Variants in PAPPA observed in about 807,000 individuals in gnomAD.
PAPPA encodes pappalysin-1.
Under a neutral mutation model 164.0 loss-of-function variants are expected in PAPPA, and 60 were observed. The ratio of observed to expected loss-of-function variants is 0.37; its 90% CI spans 0.30 to 0.45. PAPPA has a LOEUF of 0.45. PAPPA is among the 20% of genes least tolerant of loss of function. The pLI is 1.00. For synonymous variants in PAPPA, 875 were observed against 814.1 expected (o/e 1.07, Z -1.27); for missense variants, 1,782 against 2,087.3 (o/e 0.85, Z 2.85).
chr9:116,169,310 CT>C (rs563871496), intron 1 of PAPPA, among the ~76,000 whole-genome samples: 168 of 52,142 alleles, frequency 3.2e-3, no homozygotes, highest in African/African-American at 6.7e-3. Context: ...CAAACCCATT[CT>C]TTTTTTTTTT....
rs534254617 is a variant in PAPPA, at chr9:116,154,532, G to T, written c.360G>T (p.Thr120=). The T allele has an allele frequency of 2.1e-6, 3 of 1,401,502 alleles. No homozygotes were observed. Among genetic ancestry groups the T allele is most frequent in the Admixed American group, 5.4e-5 (2 of 36,802 alleles). The allele number at this position is 1,401,502 out of a possible 1,614,324, so 86.8% of individuals were successfully genotyped here. A position where few individuals can be genotyped will look rare whatever the true frequency, so the allele number is the denominator to read the frequency against. Residue 120 remains threonine, a synonymous_variant, in exon 1 of 22, where the codon ACG becomes ACT. Transcript: ENST00000328252. The surrounding 1 kb of genome is among the most constrained non-coding windows in gnomAD (Gnocchi z 5.2). ...ADLELPRDAF[T]LQVWLRAEGG... ...TCGAGCTGCCCCGGGACGCGTTCAC[G>T]CTGCAAGTGTGGCTGCGAGCGGAGG...
Position 116,228,784 on chromosome 9 carries a change from C to A in PAPPA, c.2233+1232C>A, listed in dbSNP as rs543380284. On this transcript the variant is annotated intron_variant, in intron 6 of 21. Coordinates refer to ENST00000328252, the MANE Select transcript of PAPPA (RefSeq NM_002581.5). ...GTGCAGGAATCCCCTCTATGTGCATCCTCACTGAGGTTCCCTGGAGCCTGT... is the reference window on the plus strand; with the variant it reads ...GTGCAGGAATCCCCTCTATGTGCATACTCACTGAGGTTCCCTGGAGCCTGT... 2.8e-4 allele frequency among the ~76,000 whole-genome samples: 42 copies of A among 152,256 alleles called. No homozygotes were observed. The South Asian group carries it at 7.1e-3, about 26-fold the overall frequency.
At chr9:116,184,533 A>T (rs1247918726) in intron 1 of PAPPA, among the ~76,000 whole-genome samples, 1 of 151,818 alleles carries the variant, frequency 6.6e-6, no homozygotes, top group Non-Finnish European at 1.5e-5. Flanking sequence ...TTAACAATGA[A>T]CTCTCATTTG....
Position 116,353,672 on chromosome 9 carries a change from C to T in PAPPA, c.4226C>T (p.Ala1409Val). ...CTQDGSWQEGACVPVTCDPPP... is the reference protein window; with the variant it reads ...CTQDGSWQEGVCVPVTCDPPP... ...CAGGATGGCAGCTGGCAGGAGGGAGCTTGTGTTCCTGTGACCTGTGACCCA... is the reference window on the plus strand; with the variant it reads ...CAGGATGGCAGCTGGCAGGAGGGAGTTTGTGTTCCTGTGACCTGTGACCCA... Residue 1409 changes from alanine (A) to valine (V), a missense_variant, in exon 17 of 22, where the codon GCT becomes GTT. Around this residue, in one of 2 missense-constraint regions of PAPPA, gnomAD observed 1,324 missense variants for 1,656.9 expected, o/e 0.80. Coordinates refer to ENST00000328252, the MANE Select transcript of PAPPA (RefSeq NM_002581.5). The T allele has an allele frequency of 6.2e-7, 1 of 1,614,088 alleles. No individual in the cohort carries two copies. The highest frequency in any genetic ancestry group is 1.1e-5 in the South Asian group (1 of 91,064).
At position 116,187,385 on chromosome 9, in the gene PAPPA, A is replaced by ACCT; in HGVS notation, c.647_648insCCT (p.Gln216delinsHisLeu). 6.2e-7 allele frequency: 1 copy of ACCT among 1,614,154 alleles called. No individual in the cohort carries two copies. On this transcript the variant is annotated protein_altering_variant, in exon 2 of 22. Coordinates refer to ENST00000328252, the MANE Select transcript of PAPPA (RefSeq NM_002581.5). This position sits in a 1 kb window ranked among gnomAD's most constrained non-coding sequence, Gnocchi z 4.2. ...ATGAAGCTCTATGTGAATGGTGCCC[A>ACCT]GGTGGCCACCTCTGGGGAACAAGTG...
At chr9:116,322,309 T>A (rs192230139) in intron 10 of PAPPA, among the ~76,000 whole-genome samples, 27 of 144,576 alleles carry the variant, frequency 1.9e-4, no homozygotes, top group African/African-American at 6.5e-4. Flanking sequence ...ACTCGGGGGG[T>A]GGAGGCAGGA....
chr9:116,225,288 C>A (rs1233000513), intron 5 of PAPPA, among the ~76,000 whole-genome samples: 3 of 152,160 alleles, frequency 2.0e-5, no homozygotes, highest in Admixed American at 6.5e-5. Context: ...GCTGAGGAAG[C>A]CTTTCTCTCC....
intron 7 of PAPPA, among the ~76,000 whole-genome samples, chr9:116,242,177 AG>A (rs1193708173): frequency 6.6e-6 from 1 of 152,064 alleles, no homozygotes; most frequent in Non-Finnish European, 1.5e-5. Context: ...CACGGGGGGC[AG>A]GGGGGCTGTG....
rs145400517 is a variant in PAPPA, at chr9:116,313,075, T to C, written c.3147+10125T>C. Among the ~76,000 whole-genome samples, 603 of 110,494 alleles carry C rather than the reference T, an allele frequency of 5.5e-3. 7 individuals carry two copies. The highest frequency in any genetic ancestry group is 0.021 in the African/African-American group (578 of 26,908). The allele number at this position is 110,494 out of a possible 152,430, so 72.5% of individuals were successfully genotyped here. On this transcript the variant is annotated intron_variant, in intron 10 of 21. Coordinates refer to ENST00000328252, the MANE Select transcript of PAPPA (RefSeq NM_002581.5). ...ACCAGCCTAGGTGACAGAGTGAGAC[T>C]CCATCTCAAAAAAAAAAAAAAAAAA...
intron 3 of PAPPA, 49 bp downstream of exon 3, chr9:116,207,650 A>G: frequency 1.4e-6 from 2 of 1,407,456 alleles, no homozygotes; most frequent in South Asian, 2.7e-5. Context: ...GGACAGTAAT[A>G]CACTTAGTGC....
Position 116,173,213 on chromosome 9 carries a change from T to A in PAPPA, c.416-13941T>A, listed in dbSNP as rs74316470. 5.4e-4 allele frequency among the ~76,000 whole-genome samples: 82 copies of A among 152,240 alleles called. No homozygotes were observed. In the Middle Eastern group the frequency reaches 0.02, roughly 38 times the overall value. On this transcript the variant is annotated intron_variant, in intron 1 of 21. Transcript: ENST00000328252. Reference sequence around the variant, plus strand: ...TTTATCCATTTAGAGCCTTAAAGCGTTTTTTGAGTTGAGTTATTTATAATT... The same window carrying A: ...TTTATCCATTTAGAGCCTTAAAGCGATTTTTGAGTTGAGTTATTTATAATT...
In PAPPA at chr9:116,154,080, G is replaced by T; in HGVS notation, c.-93G>T. ...GGGGGGCTCGCCCAAGAAGGGTGAA[G>T]AAGCGAAGAAAGTCGAGGCGCCGAG... On this transcript the variant is annotated 5_prime_UTR_variant, in exon 1 of 22. Coordinates refer to ENST00000328252, the MANE Select transcript of PAPPA (RefSeq NM_002581.5). This position sits in a 1 kb window ranked among gnomAD's most constrained non-coding sequence, Gnocchi z 5.2. 6.1e-6 allele frequency: 7 copies of T among 1,150,130 alleles called. No homozygotes were observed. Among genetic ancestry groups the T allele is most frequent in the Non-Finnish European group, 7.6e-6 (7 of 926,630 alleles). The allele number at this position is 1,150,130 out of a possible 1,614,324, so 71.2% of individuals were successfully genotyped here.
chr9:116,299,073 G>C (rs1340235427), intron 9 of PAPPA, among the ~76,000 whole-genome samples: 2 of 152,126 alleles, frequency 1.3e-5, no homozygotes, highest in Non-Finnish European at 2.9e-5. Context: ...GAGGGAGAGA[G>C]AATTCCCCAG....
chr9:116,228,007 T>G (rs1358362040), intron 6 of PAPPA, among the ~76,000 whole-genome samples: 28 of 152,170 alleles, frequency 1.8e-4, no homozygotes, highest in Admixed American at 1.7e-3. Context: ...AACTATTCCT[T>G]TTAATTTCTT....
intron 19 of PAPPA, among the ~76,000 whole-genome samples, chr9:116,376,412 A>G (rs1846654668): frequency 6.6e-6 from 1 of 152,176 alleles, no homozygotes; most frequent in South Asian, 2.1e-4. Flanking sequence ...TTTTTAAAAT[A>G]TCATCATGTT....
At chr9:116,341,290 C>T (rs1043606573) in intron 13 of PAPPA, among the ~76,000 whole-genome samples, 1 of 152,096 alleles carries the variant, frequency 6.6e-6, no homozygotes, top group Non-Finnish European at 1.5e-5. Context: ...ATCTATCTGC[C>T]TCAGCTCCCA....
chr9:116,273,018 G>A (rs1023678748), intron 9 of PAPPA, among the ~76,000 whole-genome samples: 2 of 152,106 alleles, frequency 1.3e-5, no homozygotes, highest in African/African-American at 4.8e-5. Context: ...AACTCTACCT[G>A]AGCCAAACTC....
At chr9:116,176,955 G>T (rs1843843170) in intron 1 of PAPPA, among the ~76,000 whole-genome samples, 1 of 115,392 alleles carries the variant, frequency 8.7e-6, no homozygotes, top group Admixed American at 8.0e-5. Flanking sequence ...CTGGAGTACT[G>T]AGAGGAAAGA....
intron 10 of PAPPA, among the ~76,000 whole-genome samples, chr9:116,322,433 A>AGAGCTGGT (rs1398876918): frequency 6.7e-6 from 1 of 150,340 alleles, no homozygotes; most frequent in Non-Finnish European, 1.5e-5. Flanking sequence ...AAAAAAAAAA[A>AGAGCTGGT]GAGCTGGTGC....
Sources: allele counts gnomAD v4.1 joint callset (sites outside exome capture counted in the v4.1 genomes callset), GRCh38; gene constraint gnomAD v4.1.1; regional missense constraint gnomAD v4.1.1; non-coding constraint Gnocchi (gnomAD v3.1); transcripts MANE v1.5; gene names NCBI Gene and HGNC (gene_info 2026-07-23, HGNC 2026-07-21).